PCBP3: variants seen among roughly 807,000 people sequenced by gnomAD.
The protein encoded by PCBP3 is poly(rC)-binding protein 3.
In PCBP3, 25 loss-of-function variants were observed where a neutral mutation model predicts 52.7. The ratio of observed to expected loss-of-function variants is 0.47; its 90% CI spans 0.35 to 0.66. The LOEUF is 0.66. Among genes scored for constraint, PCBP3 ranks in the 30% least tolerant of loss-of-function variants. The probability of loss-of-function intolerance (pLI) is 0.01; values close to 1 mark genes in which losing one functional copy is unlikely to be tolerated. For missense variants in PCBP3, 391 were observed against 490.3 expected, an observed-to-expected ratio of 0.80 and a Z score of 1.91; for synonymous variants, 162 against 183.0, an observed-to-expected ratio of 0.89 and a Z score of 0.93.
Position 45,802,608 on chromosome 21 carries a change from C to T in PCBP3, c.-126+47156C>T, listed in dbSNP as rs148690635. ...GGACAGGCTGACGGAGGAGGAGGAC[C>T]GGGCTGGGGGAGGATGGTGGGGCTC... On this transcript the variant is annotated intron_variant, in intron 4 of 17. Transcript: ENST00000681687. The surrounding 1 kb of genome is among the most constrained non-coding windows in gnomAD (Gnocchi z 5.1). Among the ~76,000 whole-genome samples, 56 of 151,932 alleles carry T rather than the reference C, an allele frequency of 3.7e-4. No individual in the cohort carries two copies. Among genetic ancestry groups the T allele is most frequent in the African/African-American group, 1.2e-3 (51 of 41,444 alleles).
chr21:45,855,272 A>C (rs1198049659), intron 5 of PCBP3, among the ~76,000 whole-genome samples: 2 of 152,184 alleles, frequency 1.3e-5, no homozygotes, highest in Admixed American at 1.3e-4. Context: ...GAATCCTGGG[A>C]TCTGGGAGGC....
At chr21:45,716,336 G>T (rs1179958814) in intron 2 of PCBP3, among the ~76,000 whole-genome samples, 2 of 152,122 alleles carry the variant, frequency 1.3e-5, no homozygotes, top group Non-Finnish European at 2.9e-5. Context: ...GAGGGAGAGA[G>T]AATATATCTA....
rs2086467835 is a variant in PCBP3, at chr21:45,741,720, A to G, written c.-162+6291A>G. 6.6e-6 allele frequency among the ~76,000 whole-genome samples: 1 copy of G among 152,216 alleles called. No homozygotes were observed. The highest frequency in any genetic ancestry group is 2.4e-5 in the African/African-American group (1 of 41,456). The stretch of plus-strand genomic sequence containing the variant: ...GCAAATATTATTTTATAAAAAATTG[A>G]TGAACCTCAGGCCCTGAGCTCCCTT... On this transcript the variant is annotated intron_variant, in intron 3 of 17. Coordinates refer to ENST00000681687, the MANE Select transcript of PCBP3 (RefSeq NM_001384156.1). This position sits in a 1 kb window ranked among gnomAD's most constrained non-coding sequence, Gnocchi z 4.5.
At chr21:45,825,385 A>G (rs2093279493) in intron 4 of PCBP3, among the ~76,000 whole-genome samples, 1 of 151,814 alleles carries the variant, frequency 6.6e-6, no homozygotes, top group South Asian at 2.1e-4. Context: ...GGCAAGGGAG[A>G]GTGTCCCCGC....
At chr21:45,931,244 G>A (rs1313236094) in intron 15 of PCBP3, among the ~76,000 whole-genome samples, 1 of 152,268 alleles carries the variant, frequency 6.6e-6, no homozygotes, top group Non-Finnish European at 1.5e-5. Flanking sequence ...ACATAGATTT[G>A]TAGATTCAGT....
At chr21:45,797,748 G>C (rs1437972741) in intron 4 of PCBP3, among the ~76,000 whole-genome samples, 2 of 75,678 alleles carry the variant, frequency 2.6e-5, no homozygotes, top group Non-Finnish European at 5.6e-5. Context: ...TGGATCCATA[G>C]AGAGAGTGAA....
At position 45,851,885 on chromosome 21, in the gene PCBP3, C is replaced by T. The variant is rs557408059; in HGVS notation, c.10+1790C>T. Reference sequence around the variant, plus strand: ...ACACATTTTTATGGGTGAATTATACCTAACTTTAAGGAACACTTGATTTCT... The same window carrying T: ...ACACATTTTTATGGGTGAATTATACTTAACTTTAAGGAACACTTGATTTCT... On this transcript the variant is annotated intron_variant, in intron 5 of 17. Coordinates refer to ENST00000681687, the MANE Select transcript of PCBP3 (RefSeq NM_001384156.1). 2.6e-5 allele frequency among the ~76,000 whole-genome samples: 4 copies of T among 152,286 alleles called. No individual in the cohort carries two copies. The South Asian group carries it at 8.3e-4, about 32-fold the overall frequency.
At chr21:45,925,973 A>G (rs989847624) in intron 13 of PCBP3, among the ~76,000 whole-genome samples, 3 of 152,222 alleles carry the variant, frequency 2.0e-5, no homozygotes, top group African/African-American at 7.2e-5. Flanking sequence ...CTCGAACGTT[A>G]CACCTGCCAC....
At chr21:45,673,999 T>G (rs1178434871) in intron 2 of PCBP3, among the ~76,000 whole-genome samples, 2 of 151,584 alleles carry the variant, frequency 1.3e-5, no homozygotes, top group Non-Finnish European at 2.9e-5. Context: ...ACCCAGTTAA[T>G]AATCACCATA....
rs117794858 is a variant in PCBP3, at chr21:45,767,343, G to A, written c.-126+11891G>A. On this transcript the variant is annotated intron_variant, in intron 4 of 17. Coordinates refer to ENST00000681687, the MANE Select transcript of PCBP3 (RefSeq NM_001384156.1). ...TCTTTCACTTGCATCCTGTTTTTGAGGTTTATCTGCATCATCGTAGCATGT... is the reference window on the plus strand; with the variant it reads ...TCTTTCACTTGCATCCTGTTTTTGAAGTTTATCTGCATCATCGTAGCATGT... Among the ~76,000 whole-genome samples, 4 of 152,224 alleles carry A rather than the reference G, an allele frequency of 2.6e-5. No individual in the cohort carries two copies. In the East Asian group the frequency reaches 7.7e-4, roughly 29 times the overall value.
chr21:45,909,270 G>C, intron 9 of PCBP3, 85 bp from the exon 10 acceptor site: 1 of 1,394,518 alleles, frequency 7.2e-7, no homozygotes, highest in Non-Finnish European at 9.8e-7. Context: ...TTCTGAGTGT[G>C]GGAAGTCAGG....
At chr21:45,863,188 ACCT>A (rs1192416384) in intron 5 of PCBP3, among the ~76,000 whole-genome samples, 2 of 152,114 alleles carry the variant, frequency 1.3e-5, no homozygotes, top group Non-Finnish European at 2.9e-5. Flanking sequence ...TGTTTCAGGT[ACCT>A]CCTCCTGGTG....
At chr21:45,840,192 C>A (rs2093669856) in intron 4 of PCBP3, among the ~76,000 whole-genome samples, 1 of 151,632 alleles carries the variant, frequency 6.6e-6, no homozygotes, top group Non-Finnish European at 1.5e-5. Flanking sequence ...GTGGCTCACT[C>A]CTGTAATCCC....
At chr21:45,670,010 T>C (rs752344092) in intron 2 of PCBP3, among the ~76,000 whole-genome samples, 8 of 151,946 alleles carry the variant, frequency 5.3e-5, no homozygotes, top group African/African-American at 9.6e-5. Flanking sequence ...CATATGCTAA[T>C]ACTTTTCTTA....
At chr21:45,682,627 G>C (rs1200971121) in intron 2 of PCBP3, among the ~76,000 whole-genome samples, 1 of 152,068 alleles carries the variant, frequency 6.6e-6, no homozygotes, top group East Asian at 1.9e-4. Context: ...AGAATTTGCT[G>C]ATATATGAGG....
intron 1 of PCBP3, among the ~76,000 whole-genome samples, chr21:45,647,472 C>T (rs976360212): frequency 2.6e-5 from 4 of 152,064 alleles, no homozygotes; most frequent in African/African-American, 7.2e-5. Flanking sequence ...ACCAGGCAAA[C>T]GTGTTGAGGG....
chr21:45,906,930 T>TGAG (rs964523004), intron 9 of PCBP3, among the ~76,000 whole-genome samples: 9 of 152,204 alleles, frequency 5.9e-5, no homozygotes, highest in African/African-American at 2.2e-4. Flanking sequence ...GTACCTAAAC[T>TGAG]GAGGAGGAGG....
intron 2 of PCBP3, among the ~76,000 whole-genome samples, chr21:45,715,498 T>A (rs1569145398): frequency 6.6e-6 from 1 of 152,154 alleles, no homozygotes; most frequent in Non-Finnish European, 1.5e-5. Context: ...AATAATCCCA[T>A]GTACATTATC....
At position 45,643,728 on chromosome 21, in the gene PCBP3, TCAGCCGCC is replaced by T. The variant is rs1315793951; in HGVS notation, c.-418_-411del. On this transcript the variant is annotated 5_prime_UTR_variant, in exon 1 of 18. Transcript: ENST00000681687. ...AGCGCCTGAAGCCGCGACCGCCGCC[TCAGCCGCC>T]TCAGCCGCGGTCGCCGCCGCTTCGG... 4.1e-5 allele frequency: 6 copies of T among 147,964 alleles called. No homozygotes were observed. Among genetic ancestry groups the T allele is most frequent in the East Asian group, 2.0e-4 (1 of 4,998 alleles). 9.2% of individuals were successfully genotyped at this position (147,964 alleles called of 1,614,324 possible). A position where few individuals can be genotyped will look rare whatever the true frequency, so the allele number is the denominator to read the frequency against.
Sources: allele counts gnomAD v4.1 joint callset (sites outside exome capture counted in the v4.1 genomes callset), GRCh38; gene constraint gnomAD v4.1.1; non-coding constraint Gnocchi (gnomAD v3.1); transcripts MANE v1.5; gene names NCBI Gene and HGNC (gene_info 2026-07-23, HGNC 2026-07-21).